PDE1C: variants seen among roughly 807,000 people sequenced by gnomAD.
PDE1C encodes phosphodiesterase 1C.
A neutral mutation model predicts 93.1 loss-of-function variants in PDE1C; 62 were observed. The ratio of observed to expected loss-of-function variants is 0.67; its 90% CI spans 0.54 to 0.82. PDE1C has a LOEUF of 0.82. Ranked by LOEUF, PDE1C falls within the 40% of genes least tolerant of loss-of-function variation. The probability of loss-of-function intolerance (pLI) is 0.00; values close to 1 mark genes in which losing one functional copy is unlikely to be tolerated. For missense variants in PDE1C, 742 were observed against 884.6 expected (o/e 0.84, Z 2.04); for synonymous variants, 325 against 310.1 (o/e 1.05, Z -0.50).
chr7:32,229,114 C>T (rs1807503329), intron 1 of PDE1C, among the ~76,000 whole-genome samples: 2 of 152,198 alleles, frequency 1.3e-5, no homozygotes, highest in South Asian at 4.1e-4. Flanking sequence ...CTGAAGAGCA[C>T]ACCTAGAAAA....
chr7:31,676,715 G>A, the PDE1C span, among the ~76,000 whole-genome samples: 8 of 152,006 alleles, frequency 5.3e-5, no homozygotes, highest in African/African-American at 1.9e-4. Flanking sequence ...AATTTAATGG[G>A]TTAGAAAACA....
At chr7:32,172,447 T>C (rs1362455744) in intron 2 of PDE1C, among the ~76,000 whole-genome samples, 1 of 152,108 alleles carries the variant, frequency 6.6e-6, no homozygotes, top group Non-Finnish European at 1.5e-5. Context: ...AAAAAAGCTC[T>C]ACACCACTGA....
intron 2 of PDE1C, among the ~76,000 whole-genome samples, chr7:32,192,395 G>A (rs1038483835): frequency 2.0e-5 from 3 of 151,988 alleles, no homozygotes; most frequent in African/African-American, 4.8e-5. Flanking sequence ...GTCAAGGTTC[G>A]TATTTTTGTT....
At chr7:31,648,877 C>T in the PDE1C span, among the ~76,000 whole-genome samples, 6 of 152,166 alleles carry the variant, frequency 3.9e-5, no homozygotes, top group African/African-American at 9.7e-5. Context: ...GAGATGGGTT[C>T]GAAATCTTAC....
At chr7:31,937,814 A>G (rs1805299612) in intron 2 of PDE1C, among the ~76,000 whole-genome samples, 1 of 152,198 alleles carries the variant, frequency 6.6e-6, no homozygotes, top group Non-Finnish European at 1.5e-5. Context: ...TTTATTCAGC[A>G]TATTATGCTG....
intron 2 of PDE1C, among the ~76,000 whole-genome samples, chr7:31,916,590 G>A (rs1240435693): frequency 6.6e-6 from 1 of 152,068 alleles, no homozygotes; most frequent in Admixed American, 6.6e-5. Context: ...TTATCCCTGG[G>A]CAAGGACAGG....
intron 3 of PDE1C, among the ~76,000 whole-genome samples, chr7:32,161,279 C>G (rs181858129): frequency 3.5e-4 from 53 of 152,260 alleles, no homozygotes; most frequent in Non-Finnish European, 3.1e-4. Flanking sequence ...AGACAGCACA[C>G]GGATAGGAGG....
intron 3 of PDE1C, among the ~76,000 whole-genome samples, chr7:32,166,064 A>G (rs1352156195): frequency 3.3e-5 from 5 of 149,254 alleles, no homozygotes; most frequent in Non-Finnish European, 7.4e-5. Flanking sequence ...AAAAAAAAAA[A>G]GACATTATGT....
chr7:31,710,573 T>G, the PDE1C span, among the ~76,000 whole-genome samples: 84 of 152,320 alleles, frequency 5.5e-4, no homozygotes, highest in Admixed American at 4.8e-3. Flanking sequence ...AAGGATAGAC[T>G]GAGATCCCAT....
chr7:31,771,978 G>A (rs987068524), intron 17 of PDE1C, among the ~76,000 whole-genome samples: 11 of 151,248 alleles, frequency 7.3e-5, no homozygotes, highest in East Asian at 3.9e-4. Flanking sequence ...CCTGGGAGGC[G>A]GAGCTTGCAG....
At chr7:31,646,786 T>G in the PDE1C span, among the ~76,000 whole-genome samples, 3 of 151,870 alleles carry the variant, frequency 2.0e-5, no homozygotes, top group African/African-American at 7.3e-5. Context: ...CAAGTAGGAG[T>G]TTGAATGGGT....
chr7:31,690,891 T>A, the PDE1C span, among the ~76,000 whole-genome samples: 2 of 152,138 alleles, frequency 1.3e-5, no homozygotes, highest in African/African-American at 4.8e-5. Flanking sequence ...AGATCCTCTA[T>A]GGGGTAATTT....
intron 2 of PDE1C, among the ~76,000 whole-genome samples, chr7:32,027,463 A>AATAG (rs1247034511): frequency 1.3e-5 from 2 of 152,004 alleles, no homozygotes; most frequent in East Asian, 3.9e-4. Context: ...TGTGTGTTTA[A>AATAG]ATAGATACCA....
chr7:31,736,848 C>A, the PDE1C span, among the ~76,000 whole-genome samples: 1 of 152,162 alleles, frequency 6.6e-6, no homozygotes. Flanking sequence ...GAGGCCGAAT[C>A]AAGTTTCCTT....
At chr7:32,349,396 C>T (rs1783916037) in intron 1 of PDE1C, among the ~76,000 whole-genome samples, 1 of 152,158 alleles carries the variant, frequency 6.6e-6, no homozygotes, top group African/African-American at 2.4e-5. Context: ...AAGGAAGGGA[C>T]TGGGAGAGTG....
intron 1 of PDE1C, among the ~76,000 whole-genome samples, chr7:32,377,343 CCA>C (rs1784450847): frequency 6.6e-6 from 1 of 152,174 alleles, no homozygotes; most frequent in African/African-American, 2.4e-5. Context: ...TTTGTTCATA[CCA>C]CTATTATAAC....
chr7:32,058,543 A>G (rs1390993303), intron 1 of PDE1C, among the ~76,000 whole-genome samples: 2 of 152,182 alleles, frequency 1.3e-5, no homozygotes, highest in South Asian at 2.1e-4. Context: ...AAAGAATTGG[A>G]TATCTCTAGA....
chr7:31,697,150 G>A, the PDE1C span: 1 of 1,610,904 alleles, frequency 6.2e-7, no homozygotes, highest in East Asian at 2.2e-5. Context: ...TTTGCAGGGG[G>A]TGATGGGGAC....
At chr7:31,767,633 T>C (rs1014963569) in intron 17 of PDE1C, among the ~76,000 whole-genome samples, 1 of 152,228 alleles carries the variant, frequency 6.6e-6, no homozygotes, top group African/African-American at 2.4e-5. Context: ...AAAAGACTAA[T>C]ACACTTGGCT....
Sources: gnomAD v4.1 joint callset for allele counts (sites outside exome capture counted in the v4.1 genomes callset) on GRCh38, gnomAD v4.1.1 for gene constraint, MANE v1.5 for transcripts, NCBI Gene and HGNC (gene_info 2026-07-23, HGNC 2026-07-21) for gene names.